The following SPP1 variants were observed in gnomAD, a reference collection of about 807,000 sequenced individuals.
SPP1 encodes the protein secreted phosphoprotein 1.
Under a neutral mutation model 20.8 loss-of-function variants are expected in SPP1, and 18 were observed. The ratio of observed to expected loss-of-function variants is 0.87; its 90% confidence interval spans 0.60 to 1.29. The LOEUF is 1.29. Among genes scored for constraint, SPP1 ranks in the 50% most tolerant of loss-of-function variants. The pLI is 0.00. For missense variants in SPP1, 363 were observed against 389.0 expected, an observed-to-expected ratio of 0.93 and a Z score of 0.56; for synonymous variants, 146 against 141.5, an observed-to-expected ratio of 1.03 and a Z score of -0.23.
rs750622416 is a variant in SPP1, at chr4:87,980,071, T to C, written c.119T>C (p.Val40Ala). Residue 40 changes from valine to alanine, a missense_variant, in exon 4 of 7, where the codon GTG becomes GCG. Physicochemically the swap from Val to Ala is moderately conservative, Grantham distance 64. Coordinates refer to ENST00000395080, the MANE Select transcript of SPP1 (RefSeq NM_001040058.2). ...KQLYNKYPDAVATWLNPDPSQ... is the reference protein window; with the variant it reads ...KQLYNKYPDAAATWLNPDPSQ... ...CTTTACAACAAATACCCAGATGCTG[T>C]GGCCACATGGCTAAACCCTGACCCA... The C allele has an allele frequency of 1.2e-6, 2 of 1,614,184 alleles. No individual in the cohort carries two copies. The highest frequency in any genetic ancestry group is 3.3e-5 in the Admixed American group (2 of 60,016).
In SPP1 at chr4:87,982,985, T is replaced by G. The variant is rs1725725543; in HGVS notation, c.*89T>G. ...ATGAAAGAGAACATGAAATGCTTCT[T>G]TCTCAGTTTATTGGTTGAATGTGTA... On this transcript the variant is annotated 3_prime_UTR_variant, in exon 7 of 7. Coordinates refer to ENST00000395080, the MANE Select transcript of SPP1 (RefSeq NM_001040058.2). 1 of 1,278,180 alleles carries G rather than the reference T, an allele frequency of 7.8e-7. No individual in the cohort carries two copies. The highest frequency in any genetic ancestry group is 1.1e-6 in the Non-Finnish European group (1 of 943,162). 79.2% of individuals were successfully genotyped at this position (1,278,180 alleles called of 1,614,324 possible). A position where few individuals can be genotyped will look rare whatever the true frequency, so the allele number is the denominator to read the frequency against.
At chr4:87,979,055 T>C (rs1725531448) in intron 3 of SPP1, among the ~76,000 whole-genome samples, 1 of 152,190 alleles carries the variant, frequency 6.6e-6, no homozygotes, top group Non-Finnish European at 1.5e-5. Context: ...AGAACTTTTG[T>C]GCAATGATTT....
At chr4:87,977,630 A>T in intron 3 of SPP1, 1 of 1,104,970 alleles carries the variant, frequency 9.1e-7, no homozygotes, top group Non-Finnish European at 1.1e-6. Flanking sequence ...ACATAAGACC[A>T]ACCAAACTCT....
intron 2 of SPP1, 51 bp downstream of exon 2, chr4:87,977,000 T>G (rs1465723439): frequency 6.2e-7 from 1 of 1,612,254 alleles, no homozygotes; most frequent in African/African-American, 1.3e-5. Flanking sequence ...CTGAATTGTG[T>G]GCTTCCATGT....
chr4:87,980,078 A>G lies in SPP1; in HGVS notation c.126A>G (p.Thr42=), dbSNP rs61731005. ...LYNKYPDAVA[T]WLNPDPSQKQ... ...ACAAATACCCAGATGCTGTGGCCAC[A>G]TGGCTAAACCCTGACCCATCTCAGA... Residue 42 remains threonine (T), a synonymous_variant, in exon 4 of 7, where the codon ACA becomes ACG. Transcript: ENST00000395080. 7.3e-4 allele frequency: 1,179 copies of G among 1,614,158 alleles called. 11 individuals are homozygous for G. The highest frequency in any genetic ancestry group is 7.3e-3 in the African/African-American group (546 of 75,020).
In SPP1 at chr4:87,982,782, A is replaced by G. The variant is rs1725715016; in HGVS notation, c.831A>G (p.Glu277=). ...TCAGCCGTGAATTCCACAGCCATGA[A>G]TTTCACAGCCATGAAGATATGCTGG... is the stretch of plus-strand genomic sequence containing the variant. The part of the protein sequence containing the change: ...SKVSREFHSH[E]FHSHEDMLVV... The change falls in exon 7 of 7, where the codon GAA becomes GAG. Residue 277 remains glutamate, a synonymous_variant. Coordinates refer to ENST00000395080, the MANE Select transcript of SPP1 (RefSeq NM_001040058.2). 5 of 1,614,060 alleles carry G rather than the reference A, an allele frequency of 3.1e-6. No homozygotes were observed. The highest frequency in any genetic ancestry group is 3.4e-6 in the Non-Finnish European group (4 of 1,180,024).
rs148252640 is a variant in SPP1 at position 87,976,916 on chromosome 4, C to T, written c.21C>T (p.Cys7=). The change falls in exon 2 of 7, where the codon TGC becomes TGT. Residue 7 remains cysteine (C), a synonymous_variant. Coordinates refer to ENST00000395080, the MANE Select transcript of SPP1 (RefSeq NM_001040058.2). The stretch of plus-strand genomic sequence containing the variant: ...CTACCATGAGAATTGCAGTGATTTG[C>T]TTTTGCCTCCTAGGCATCACCTGTG... MRIAVI[C]FCLLGITCAI... is the part of the protein sequence containing the mutation. 3 of 1,613,410 alleles carry T rather than the reference C, an allele frequency of 1.9e-6. No homozygotes were observed. The highest frequency in any genetic ancestry group is 2.7e-5 in the African/African-American group (2 of 74,916).
rs1725584912 is a variant in SPP1 at position 87,980,126 on chromosome 4, G to A, written c.174G>A (p.Gln58=). The change falls in exon 4 of 7, where the codon CAG becomes CAA. Residue 58 remains glutamine (Q), a splice_region_variant and synonymous_variant. Transcript: ENST00000395080. ...AGAAGCAGAATCTCCTAGCCCCACAGGTATTTTTAAACTTCTCATAATTAA... is the reference window on the plus strand; with the variant it reads ...AGAAGCAGAATCTCCTAGCCCCACAAGTATTTTTAAACTTCTCATAATTAA... ...PSQKQNLLAP[Q]NAVSSEETND... is the part of the protein sequence containing the mutation. The A allele has an allele frequency of 4.3e-6, 7 of 1,614,036 alleles. No individual in the cohort carries two copies. The highest frequency in any genetic ancestry group is 5.9e-6 in the Non-Finnish European group (7 of 1,179,978).
At chr4:87,975,847 T>C (rs1725358048) in intron 1 of SPP1, 47 bp downstream of exon 1, 2 of 152,276 alleles carry the variant, frequency 1.3e-5, no homozygotes, top group South Asian at 4.1e-4. Flanking sequence ...CTGAATTTCA[T>C]GGGGAAGTCC....
intron 5 of SPP1, chr4:87,980,747 T>A: frequency 3.6e-6 from 1 of 278,890 alleles, no homozygotes; most frequent in Non-Finnish European, 6.6e-6. Context: ...AAAGCTAAGA[T>A]TTTGCCTTTA....
chr4:87,978,456 T>G (rs980803426), intron 3 of SPP1, among the ~76,000 whole-genome samples: 1 of 140,130 alleles, frequency 7.1e-6, no homozygotes, highest in Non-Finnish European at 1.5e-5. Context: ...AGTGCAGTGG[T>G]GTGATCTCGG....
intron 5 of SPP1, chr4:87,980,730 G>A: frequency 3.0e-6 from 1 of 334,088 alleles, no homozygotes; most frequent in Non-Finnish European, 5.3e-6. Context: ...TCTAATTAAT[G>A]CATATCAAAG....
chr4:87,977,999 G>A (rs1364552137), intron 3 of SPP1: 9 of 397,042 alleles, frequency 2.3e-5, no homozygotes, highest in African/African-American at 8.7e-5. Flanking sequence ...AAGAATTAGC[G>A]TCTTTTTAAT....
rs752718492 is a variant in SPP1, at chr4:87,982,657, G to A, written c.706G>A (p.Glu236Lys). ...ETSQLDDQSA[E>K]THSHKQSRLY... ...GAGTCAGCTGGATGACCAGAGTGCTGAAACCCACAGCCACAAGCAGTCCAG... is the reference window on the plus strand; with the variant it reads ...GAGTCAGCTGGATGACCAGAGTGCTAAAACCCACAGCCACAAGCAGTCCAG... Residue 236 changes from glutamate (E) to lysine (K), a missense_variant, in exon 7 of 7, where the codon GAA (glutamate) becomes AAA (lysine). Physicochemically the swap from Glu to Lys is moderately conservative, Grantham distance 56. Coordinates refer to ENST00000395080, the MANE Select transcript of SPP1 (RefSeq NM_001040058.2). 2 of 1,613,952 alleles carry A rather than the reference G, an allele frequency of 1.2e-6. No individual in the cohort carries two copies. The highest frequency in any genetic ancestry group is 1.3e-5 in the African/African-American group (1 of 74,868).
Position 87,980,121 on chromosome 4 carries a change from C to A in SPP1, c.169C>A (p.Pro57Thr), listed in dbSNP as rs1011223303. ...DPSQKQNLLA[P>T]QNAVSSEETN... ...ATCTCAGAAGCAGAATCTCCTAGCC[C>A]CACAGGTATTTTTAAACTTCTCATA... The change falls in exon 4 of 7, where the codon CCA becomes ACA. Residue 57 changes from proline to threonine, a missense_variant. Pro to Thr is a conservative substitution (Grantham distance 38). Coordinates refer to ENST00000395080, the MANE Select transcript of SPP1 (RefSeq NM_001040058.2). 6.2e-6 allele frequency: 10 copies of A among 1,614,034 alleles called. No homozygotes were observed. Among genetic ancestry groups the A allele is most frequent in the Admixed American group, 3.3e-5 (2 of 60,006 alleles).
Position 87,982,946 on chromosome 4 carries a change from T to A in SPP1, c.*50T>A, listed in dbSNP as rs1409073804. The A allele has an allele frequency of 1.3e-6, 2 of 1,504,496 alleles. No individual in the cohort carries two copies. Among genetic ancestry groups the A allele is most frequent in the African/African-American group, 2.8e-5 (2 of 71,302 alleles). 93.2% of individuals were successfully genotyped at this position (1,504,496 alleles called of 1,614,324 possible). ...CTTTGCATTTAGTCAAAAGAAAAAA[T>A]GCTTTATAGCAAAATGAAAGAGAAC... On this transcript the variant is annotated 3_prime_UTR_variant, in exon 7 of 7. Transcript: ENST00000395080.
chr4:87,980,362 T>C (rs2110068674), intron 4 of SPP1, 31 bp from the exon 5 acceptor site: 1 of 1,611,630 alleles, frequency 6.2e-7, no homozygotes, highest in East Asian at 2.2e-5. Flanking sequence ...GCATGTGTGA[T>C]GCGCACTAAC....
chr4:87,976,856 G>A (rs1725397788), intron 1 of SPP1, 26 bp from the exon 2 acceptor site: 2 of 1,580,768 alleles, frequency 1.3e-6, no homozygotes, highest in Non-Finnish European at 1.7e-6. Flanking sequence ...GAAGATGTCA[G>A]CTATTCCTTA....
In SPP1 at chr4:87,980,443, T is replaced by C; in HGVS notation, c.216+9T>C. The C allele has an allele frequency of 6.2e-7, 1 of 1,613,798 alleles. No individual in the cohort carries two copies. The highest frequency in any genetic ancestry group is 8.5e-7 in the Non-Finnish European group (1 of 1,179,856). Reference sequence around the variant, plus strand: ...ATGACTTTAAACAAGAGGTAAGTTCTCATTTTCAATCAGAGGCCCATCATG... The same window carrying C: ...ATGACTTTAAACAAGAGGTAAGTTCCCATTTTCAATCAGAGGCCCATCATG... On this transcript the variant is annotated intron_variant, in intron 5 of 6. Coordinates refer to ENST00000395080, the MANE Select transcript of SPP1 (RefSeq NM_001040058.2).
Sources: allele counts gnomAD v4.1 joint callset (sites outside exome capture counted in the v4.1 genomes callset), GRCh38; gene constraint gnomAD v4.1.1; transcripts MANE v1.5; gene names NCBI Gene and HGNC (gene_info 2026-07-23, HGNC 2026-07-21).